Variants in LIMCH1 observed in about 807,000 individuals in gnomAD.
LIMCH1 encodes the protein LIM and calponin homology domains 1.
Under a neutral mutation model 176.5 loss-of-function variants are expected in LIMCH1, and 113 were observed. That is an observed-to-expected ratio of 0.64 (90% CI 0.55 to 0.75). The LOEUF (loss-of-function observed/expected upper bound fraction) is 0.75, where lower values mean the gene tolerates loss of function less well. Ranked by LOEUF, LIMCH1 falls within the 30% of genes least tolerant of loss-of-function variation. The pLI is 0.00. For synonymous variants in LIMCH1, 619 were observed against 645.9 expected (o/e 0.96, Z 0.63); for missense variants, 1,674 against 1,814.9 (o/e 0.92, Z 1.41).
intron 24 of LIMCH1, among the ~76,000 whole-genome samples, chr4:41,680,534 G>A (rs1714861286): frequency 6.6e-6 from 1 of 152,094 alleles, no homozygotes; most frequent in Non-Finnish European, 1.5e-5. Context: ...AGAGAATTTT[G>A]TTTAGGTTCA....
intron 2 of LIMCH1, among the ~76,000 whole-genome samples, chr4:41,515,136 G>GT (rs1022991004): frequency 9.2e-5 from 14 of 152,236 alleles, no homozygotes; most frequent in Non-Finnish European, 1.8e-4. Context: ...AGGACGGCAA[G>GT]TGAGGCTGGG....
At chr4:41,654,836 A>G (rs2094418624) in intron 18 of LIMCH1, among the ~76,000 whole-genome samples, 1 of 152,142 alleles carries the variant, frequency 6.6e-6, no homozygotes, top group African/African-American at 2.4e-5. Flanking sequence ...GTGGCCACCC[A>G]ATCCCTTTGC....
intron 1 of LIMCH1, among the ~76,000 whole-genome samples, chr4:41,405,115 G>C (rs1195710280): frequency 6.6e-6 from 1 of 152,058 alleles, no homozygotes; most frequent in African/African-American, 2.4e-5. Flanking sequence ...CACCTGATCT[G>C]TTTTCTTTAC....
intron 1 of LIMCH1, among the ~76,000 whole-genome samples, chr4:41,374,865 C>G (rs953151389): frequency 5.3e-5 from 8 of 152,150 alleles, no homozygotes; most frequent in African/African-American, 1.9e-4. Context: ...TGGGAAAGAG[C>G]GACTCCAGTC....
rs535811149 is a variant in LIMCH1, at chr4:41,684,289, C to T, written c.3846-108C>T. On this transcript the variant is annotated intron_variant, in intron 26 of 31. Transcript: ENST00000503057. ...ATAGAATAAATAAAGAGTCCCATCT[C>T]TTTTTTTATATTGTAATTGGTACTC... 83 of 924,796 alleles carry T rather than the reference C, an allele frequency of 9.0e-5. No homozygotes were observed. In the Middle Eastern group the frequency reaches 1.0e-3, roughly 12 times the overall value. The allele number at this position is 924,796 out of a possible 1,614,324, so 57.3% of individuals were successfully genotyped here.
intron 1 of LIMCH1, among the ~76,000 whole-genome samples, chr4:41,491,861 C>T (rs1466189189): frequency 9.0e-5 from 13 of 144,326 alleles, no homozygotes; most frequent in South Asian, 2.2e-4. Context: ...CGGGCAGAGG[C>T]GCTCCTCACT....
At chr4:41,538,569 T>TA (rs397942848) in intron 1 of LIMCH1, among the ~76,000 whole-genome samples, 3 of 151,718 alleles carry the variant, frequency 2.0e-5, no homozygotes, top group African/African-American at 4.8e-5. Context: ...TTTTTTTTTT[T>TA]AATTCCCTAA....
intron 1 of LIMCH1, among the ~76,000 whole-genome samples, chr4:41,555,149 C>CA (rs775401546): frequency 1.3e-5 from 2 of 152,152 alleles, no homozygotes; most frequent in Non-Finnish European, 2.9e-5. Context: ...AAACTGTTCA[C>CA]AAATTGCAAA....
At chr4:41,643,368 T>C (rs1222338760) in intron 14 of LIMCH1, among the ~76,000 whole-genome samples, 2 of 152,030 alleles carry the variant, frequency 1.3e-5, no homozygotes, top group African/African-American at 2.4e-5. Flanking sequence ...ACTGTCACCA[T>C]ATTTTGTTGC....
rs940359656 is a variant in LIMCH1 at position 41,392,998 on chromosome 4, C to T, written c.96+32062C>T. Among the ~76,000 whole-genome samples the T allele has an allele frequency of 4.6e-5, 7 of 152,068 alleles. 1 individual carries two copies. ...TGAGCCAAGATCGCGCCGCTGCACT[C>T]CAGCCTGGGTGAGAGAGCAAGACTC... On this transcript the variant is annotated intron_variant, in intron 1 of 26. Coordinates refer to the LIMCH1 transcript ENST00000313860.
intron 2 of LIMCH1, among the ~76,000 whole-genome samples, chr4:41,517,045 T>C (rs2075648877): frequency 6.6e-6 from 1 of 152,186 alleles, no homozygotes; most frequent in South Asian, 2.1e-4. Flanking sequence ...TCCACTCTTG[T>C]ATGGCCTAAT....
At chr4:41,568,848 G>A (rs369865592) in intron 1 of LIMCH1, among the ~76,000 whole-genome samples, 3 of 152,094 alleles carry the variant, frequency 2.0e-5, no homozygotes, top group East Asian at 3.9e-4. Context: ...CTCTATTCAG[G>A]TTATGTGGCC....
Position 41,682,672 on chromosome 4 carries a change from C to CTTTTTTT in LIMCH1, c.3845+214_3845+215insTTTTTTT, listed in dbSNP as rs1479823691. 1.9e-4 allele frequency among the ~76,000 whole-genome samples: 27 copies of CTTTTTTT among 139,974 alleles called. 1 individual carries two copies. Among genetic ancestry groups the CTTTTTTT allele is most frequent in the Non-Finnish European group, 2.0e-4 (13 of 63,826 alleles). 91.8% of individuals were successfully genotyped at this position (139,974 alleles called of 152,430 possible). ...TATAAATAGCCTTATTTTTTTTCTTCTTCTTCTTTTTTTTTTTTTTGCTTG... is the reference window on the plus strand; with the variant it reads ...TATAAATAGCCTTATTTTTTTTCTTCTTTTTTTTTCTTCTTTTTTTTTTTTTTGCTTG... On this transcript the variant is annotated intron_variant, in intron 26 of 31. Transcript: ENST00000503057.
At chr4:41,396,751 A>ACTAGCT (rs368851627) in intron 1 of LIMCH1, among the ~76,000 whole-genome samples, 5 of 152,112 alleles carry the variant, frequency 3.3e-5, no homozygotes, top group African/African-American at 1.2e-4. Context: ...AAATACAAAA[A>ACTAGCT]CTAGCTCTGG....
chr4:41,615,042 T>C (rs2091912672), intron 5 of LIMCH1, among the ~76,000 whole-genome samples: 1 of 152,166 alleles, frequency 6.6e-6, no homozygotes, highest in African/African-American at 2.4e-5. Context: ...CAGGGTGCAT[T>C]GTGAGCCTCT....
intron 2 of LIMCH1, among the ~76,000 whole-genome samples, chr4:41,511,245 C>T (rs1470095317): frequency 6.6e-6 from 1 of 152,212 alleles, no homozygotes; most frequent in Non-Finnish European, 1.5e-5. Flanking sequence ...TTGTGCTTCC[C>T]TGCTTTGTAT....
chr4:41,460,712 G>T (rs1251215622), intron 1 of LIMCH1, among the ~76,000 whole-genome samples: 2 of 152,028 alleles, frequency 1.3e-5, no homozygotes, highest in African/African-American at 2.4e-5. Flanking sequence ...GCCCTCTCTT[G>T]GTTCATTTGG....
At chr4:41,586,497 C>G (rs2086499542) in intron 1 of LIMCH1, among the ~76,000 whole-genome samples, 1 of 152,088 alleles carries the variant, frequency 6.6e-6, no homozygotes, top group Non-Finnish European at 1.5e-5. Flanking sequence ...TATCACTGCT[C>G]TCAGTCATAT....
intron 7 of LIMCH1, among the ~76,000 whole-genome samples, chr4:41,625,281 T>A (rs2092871729): frequency 6.6e-6 from 1 of 152,160 alleles, no homozygotes; most frequent in Non-Finnish European, 1.5e-5. Context: ...GTTGTAGTTA[T>A]TGAAAAATAA....
Sources: allele counts gnomAD v4.1 joint callset (sites outside exome capture counted in the v4.1 genomes callset), GRCh38; gene constraint gnomAD v4.1.1; transcripts MANE v1.5; gene names NCBI Gene and HGNC (gene_info 2026-07-23, HGNC 2026-07-21).